ATXN2: variants seen among roughly 807,000 people sequenced by gnomAD.
The protein encoded by ATXN2 is ataxin-2.
In ATXN2, 37 loss-of-function variants were observed where a neutral mutation model predicts 138.6. The ratio of observed to expected loss-of-function variants is 0.27; its 90% confidence interval spans 0.21 to 0.35. The LOEUF (loss-of-function observed/expected upper bound fraction) is 0.35, where lower values mean the gene tolerates loss of function less well. Among genes scored for constraint, ATXN2 ranks in the 10% least tolerant of loss-of-function variants. The pLI is 1.00. For synonymous variants in ATXN2, 549 were observed against 543.7 expected, an observed-to-expected ratio of 1.01 and a Z score of -0.13; for missense variants, 1,216 against 1,480.3, an observed-to-expected ratio of 0.82 and a Z score of 2.93.
chr12:111,461,900 C>T (rs912335241), intron 21 of ATXN2, among the ~76,000 whole-genome samples: 1 of 142,836 alleles, frequency 7.0e-6, no homozygotes, highest in South Asian at 2.2e-4. Flanking sequence ...CCAGCCTGGA[C>T]GACAGAGTGA....
chr12:111,592,712 G>A (rs1054408515), intron 1 of ATXN2, among the ~76,000 whole-genome samples: 3 of 137,542 alleles, frequency 2.2e-5, no homozygotes, highest in African/African-American at 8.0e-5. Context: ...GAACCCGGGA[G>A]GCAAAGGTTG....
At chr12:111,489,979 G>C (rs1485108790) in intron 14 of ATXN2, among the ~76,000 whole-genome samples, 4 of 151,764 alleles carry the variant, frequency 2.6e-5, no homozygotes, top group Admixed American at 2.0e-4. Flanking sequence ...AAGGCAGGTG[G>C]ATCACTTGAG....
At chr12:111,468,076 T>C (rs1419131992) in intron 20 of ATXN2, among the ~76,000 whole-genome samples, 1 of 152,268 alleles carries the variant, frequency 6.6e-6, no homozygotes, top group Non-Finnish European at 1.5e-5. Context: ...TTTCCACTTG[T>C]TAAATCATGA....
intron 20 of ATXN2, chr12:111,469,796 G>T (rs1387608809): frequency 2.6e-6 from 1 of 382,920 alleles, no homozygotes; most frequent in African/African-American, 2.1e-5. Context: ...TCGTAGGCAG[G>T]ATATACCAAA....
intron 18 of ATXN2, 69 bp from the exon 19 acceptor site, chr12:111,470,811 C>A: frequency 6.6e-7 from 1 of 1,505,048 alleles, no homozygotes; most frequent in South Asian, 1.2e-5. Context: ...TTCACATGGT[C>A]TAGGAGGCTC....
intron 14 of ATXN2, among the ~76,000 whole-genome samples, chr12:111,500,443 G>C (rs973378206): frequency 2.0e-5 from 3 of 151,962 alleles, no homozygotes; most frequent in Non-Finnish European, 4.4e-5. Context: ...TAGCAGAATG[G>C]TTACCAGAAG....
intron 5 of ATXN2, among the ~76,000 whole-genome samples, chr12:111,548,004 C>T (rs1204549996): frequency 6.6e-6 from 1 of 151,668 alleles, no homozygotes; most frequent in Non-Finnish European, 1.5e-5. Context: ...ATCAGCCTGG[C>T]CAACATGGTA....
chr12:111,535,999 C>CAAA (rs766582583), intron 5 of ATXN2, among the ~76,000 whole-genome samples: 9,092 of 65,570 alleles, frequency 0.14, 1,195 homozygotes, highest in African/African-American at 0.35. Context: ...GACTCCGTCT[C>CAAA]AAAAAAAAAA....
chr12:111,533,508 T>C (rs1304077833), intron 5 of ATXN2, among the ~76,000 whole-genome samples: 1 of 147,644 alleles, frequency 6.8e-6, no homozygotes, highest in African/African-American at 2.7e-5. Flanking sequence ...TGATTTCCCA[T>C]ATAATTTTTT....
At chr12:111,464,240 G>A (rs1875801307) in intron 21 of ATXN2, among the ~76,000 whole-genome samples, 1 of 146,458 alleles carries the variant, frequency 6.8e-6, no homozygotes, top group African/African-American at 2.6e-5. Context: ...CCAAGCTTGT[G>A]GCTTGGGGTG....
At chr12:111,525,788 G>A (rs887975593) in intron 5 of ATXN2, among the ~76,000 whole-genome samples, 5 of 151,420 alleles carry the variant, frequency 3.3e-5, no homozygotes, top group East Asian at 2.0e-4. Flanking sequence ...GGGTTCAAGC[G>A]ATTCTCCTGC....
chr12:111,474,574 C>T (rs573467770), intron 18 of ATXN2, among the ~76,000 whole-genome samples: 1 of 152,054 alleles, frequency 6.6e-6, no homozygotes, highest in Admixed American at 6.5e-5. Context: ...TACTGCACTC[C>T]AAGCCTGGGC....
intron 14 of ATXN2, among the ~76,000 whole-genome samples, chr12:111,505,546 C>T (rs998062011): frequency 6.6e-6 from 1 of 152,144 alleles, no homozygotes; most frequent in Admixed American, 6.6e-5. Flanking sequence ...TTTGAACAGA[C>T]ATCAATCCAA....
At chr12:111,463,850 G>A (rs1035647159) in intron 21 of ATXN2, among the ~76,000 whole-genome samples, 2 of 152,014 alleles carry the variant, frequency 1.3e-5, no homozygotes, top group Admixed American at 1.3e-4. Flanking sequence ...GGAGTGGCAC[G>A]ACTTCGGCTC....
intron 6 of ATXN2, among the ~76,000 whole-genome samples, chr12:111,521,363 T>G (rs1319757803): frequency 6.6e-6 from 1 of 152,166 alleles, no homozygotes; most frequent in Non-Finnish European, 1.5e-5. Context: ...AGGTACATAT[T>G]TTACTTCTTT....
At chr12:111,531,575 T>C (rs1880836127) in intron 5 of ATXN2, among the ~76,000 whole-genome samples, 1 of 126,742 alleles carries the variant, frequency 7.9e-6, no homozygotes, top group African/African-American at 4.1e-5. Flanking sequence ...AATTGTATAC[T>C]ACGAGCATAT....
At chr12:111,591,623 G>A (rs1230713245) in intron 1 of ATXN2, among the ~76,000 whole-genome samples, 1 of 152,166 alleles carries the variant, frequency 6.6e-6, no homozygotes, top group Non-Finnish European at 1.5e-5. Flanking sequence ...CTGGGTGACA[G>A]AGGGAGACCT....
intron 21 of ATXN2, among the ~76,000 whole-genome samples, chr12:111,464,247 GGTGTGTGTGTGT>G (rs57717176): frequency 1.1e-4 from 15 of 134,630 alleles, no homozygotes; most frequent in South Asian, 4.9e-4. Flanking sequence ...TGTGGCTTGG[GGTGTGTGTGTGT>G]GTGTGTGTGT....
Position 111,598,179 on chromosome 12 carries a change from T to G in ATXN2, c.251+605A>C. ...GGGTGCGGGGGCCAAGGCCCACTTG[T>G]CTCCACCCCGTCCTCCGATCTTTCC... is the stretch of plus-strand genomic sequence containing the variant. On this transcript the variant is annotated intron_variant, in intron 1 of 24. Coordinates refer to ENST00000673436, the MANE Select transcript of ATXN2 (RefSeq NM_001372574.1). The surrounding 1 kb of genome is among the most constrained non-coding windows in gnomAD (Gnocchi z 4.5). The G allele has an allele frequency of 9.4e-7, 1 of 1,063,904 alleles. No homozygotes were observed. The highest frequency in any genetic ancestry group is 1.1e-6 in the Non-Finnish European group (1 of 874,420). 65.9% of individuals were successfully genotyped at this position (1,063,904 alleles called of 1,614,324 possible). A position where few individuals can be genotyped will look rare whatever the true frequency, so the allele number is the denominator to read the frequency against.
Sources: gnomAD v4.1 joint callset for allele counts (sites outside exome capture counted in the v4.1 genomes callset) on GRCh38, gnomAD v4.1.1 for gene constraint, Gnocchi (gnomAD v3.1) non-coding constraint, MANE v1.5 for transcripts, NCBI Gene and HGNC (gene_info 2026-07-23, HGNC 2026-07-21) for gene names.